Variants in MTR observed in about 807,000 individuals in gnomAD.
The protein encoded by MTR is methionine synthase.
In MTR, 84 loss-of-function variants were observed where a neutral mutation model predicts 154.8. The ratio of observed to expected loss-of-function variants is 0.54; its 90% confidence interval spans 0.45 to 0.65. MTR has a LOEUF of 0.65. Ranked by LOEUF, MTR falls within the 30% of genes least tolerant of loss-of-function variation. MTR has a pLI of 0.00. For missense variants in MTR, 1,275 were observed against 1,570.2 expected, an observed-to-expected ratio of 0.81 and a Z score of 3.18; for synonymous variants, 554 against 553.9, an observed-to-expected ratio of 1.00 and a Z score of 0.00.
At chr1:236,809,225 G>A (rs1279994684) in intron 4 of MTR, among the ~76,000 whole-genome samples, 1 of 152,146 alleles carries the variant, frequency 6.6e-6, no homozygotes, top group African/African-American at 2.4e-5. Flanking sequence ...TGCCTTTCAA[G>A]CATTTTCCCT....
At chr1:236,842,018 A>G (rs1174967683) in intron 15 of MTR, among the ~76,000 whole-genome samples, 1 of 151,630 alleles carries the variant, frequency 6.6e-6, no homozygotes, top group Non-Finnish European at 1.5e-5. Flanking sequence ...CAGCCTCCCG[A>G]GTAGCTGGGA....
chr1:236,807,886 C>T (rs1232305271), intron 3 of MTR, among the ~76,000 whole-genome samples: 3 of 152,200 alleles, frequency 2.0e-5, no homozygotes, highest in Admixed American at 1.3e-4. Context: ...CAGCTATAGA[C>T]ATTATATAAA....
chr1:236,825,394 C>G lies in MTR; in HGVS notation c.922C>G (p.Leu308Val). ...AACGCCTTCTATGATGGCCAAGCAC[C>G]TAAAGGTCAGGGGTCCCCCTTTCAC... Reference protein sequence around the residue: ...DETPSMMAKHLKDFAMDGLVN... With the variant: ...DETPSMMAKHVKDFAMDGLVN... Residue 308 changes from leucine (L) to valine (V), a missense_variant, in exon 10 of 33, where the codon CTA becomes GTA. Physicochemically the swap from Leu to Val is conservative, Grantham distance 32. Coordinates refer to ENST00000366577, the MANE Select transcript of MTR (RefSeq NM_000254.3). 6.2e-7 allele frequency: 1 copy of G among 1,612,954 alleles called. No homozygotes were observed. The highest frequency in any genetic ancestry group is 1.1e-5 in the South Asian group (1 of 91,048).
At position 236,880,979 on chromosome 1, in the gene MTR, T is replaced by C. The variant is rs544710559; in HGVS notation, c.2676+143T>C. The C allele has an allele frequency of 1.3e-4, 111 of 823,414 alleles. No individual in the cohort carries two copies. In the African/African-American group the frequency reaches 1.5e-3, roughly 11 times the overall value. 51.0% of individuals were successfully genotyped at this position (823,414 alleles called of 1,614,324 possible). ...CAGCCTGAGGCTCATGGTGTGCCTC[T>C]GCAGTGACTGCCTTGCTGGAAGGAG... On this transcript the variant is annotated intron_variant, in intron 25 of 32. Coordinates refer to ENST00000366577, the MANE Select transcript of MTR (RefSeq NM_000254.3).
intron 15 of MTR, among the ~76,000 whole-genome samples, chr1:236,845,556 A>C (rs1450779078): frequency 2.0e-5 from 3 of 152,228 alleles, no homozygotes. Flanking sequence ...AAATTATTCC[A>C]ACAAAAGAAT....
intron 8 of MTR, 43 bp from the exon 9 acceptor site, chr1:236,824,072 TATGA>T: frequency 6.8e-7 from 1 of 1,467,394 alleles, no homozygotes. Flanking sequence ...TATGCATAAA[TATGA>T]ATGAGAGATG....
intron 26 of MTR, among the ~76,000 whole-genome samples, chr1:236,885,481 T>C (rs1483793668): frequency 2.0e-5 from 3 of 152,140 alleles, no homozygotes; most frequent in Admixed American, 6.5e-5. Flanking sequence ...GTGCTAGATA[T>C]CAGAACTATG....
intron 3 of MTR, 122 bp from the exon 4 acceptor site, chr1:236,808,582 C>T: frequency 1.0e-6 from 1 of 969,074 alleles, no homozygotes; most frequent in South Asian, 1.4e-5. Context: ...TCACTCAGAC[C>T]TCAGATTAAT....
At chr1:236,827,645 T>C (rs1284733282) in intron 11 of MTR, among the ~76,000 whole-genome samples, 3 of 152,166 alleles carry the variant, frequency 2.0e-5, no homozygotes, top group Non-Finnish European at 4.4e-5. Flanking sequence ...TATCTTGAGG[T>C]CAGGAGAAGT....
At chr1:236,834,092 G>C (rs1053544764) in intron 13 of MTR, among the ~76,000 whole-genome samples, 8 of 152,148 alleles carry the variant, frequency 5.3e-5, no homozygotes, top group Admixed American at 5.2e-4. Flanking sequence ...TCAAGAACCA[G>C]GATTGTGATT....
rs1170951104 is a variant in MTR at position 236,795,770 on chromosome 1, T to C, written c.34+33T>C. ...TGCGACCCCGTCTGCGTGGTTGGGTTGTGTTTCTTAACTCGTGCTGTGGCC... is the reference window on the plus strand; with the variant it reads ...TGCGACCCCGTCTGCGTGGTTGGGTCGTGTTTCTTAACTCGTGCTGTGGCC... On this transcript the variant is annotated intron_variant, in intron 1 of 32. Transcript: ENST00000366577. 3 of 1,613,980 alleles carry C rather than the reference T, an allele frequency of 1.9e-6. No homozygotes were observed. The South Asian group carries it at 3.3e-5, about 18-fold the overall frequency.
chr1:236,795,876 C>T lies in MTR; in HGVS notation c.34+139C>T, dbSNP rs111492584. On this transcript the variant is annotated intron_variant, in intron 1 of 32. Transcript: ENST00000366577. The stretch of plus-strand genomic sequence containing the variant: ...CCGCGTGTGGGCGGCACCTTTAGAA[C>T]TTAGCGCAGGAGCCCGGAGGGCTAC... The T allele has an allele frequency of 1.6e-3, 2,137 of 1,352,532 alleles. 30 individuals are homozygous for T. The African/African-American group carries it at 0.027, about 17-fold the overall frequency. 83.8% of individuals were successfully genotyped at this position (1,352,532 alleles called of 1,614,324 possible). A position where few individuals can be genotyped will look rare whatever the true frequency, so the allele number is the denominator to read the frequency against.
intron 15 of MTR, among the ~76,000 whole-genome samples, chr1:236,844,891 T>C (rs1663481494): frequency 6.6e-6 from 1 of 152,204 alleles, no homozygotes; most frequent in Non-Finnish European, 1.5e-5. Context: ...AGGCAGTCAC[T>C]GCTGGAGCTT....
intron 16 of MTR, among the ~76,000 whole-genome samples, chr1:236,850,985 A>C (rs1297899024): frequency 1.3e-5 from 2 of 152,152 alleles, no homozygotes; most frequent in Non-Finnish European, 2.9e-5. Context: ...CAATTTTATA[A>C]AGTAGCTATT....
intron 22 of MTR, among the ~76,000 whole-genome samples, chr1:236,864,252 C>T (rs1664709095): frequency 6.6e-6 from 1 of 152,178 alleles, no homozygotes; most frequent in Admixed American, 6.5e-5. Flanking sequence ...CCTTTTGAGT[C>T]ATAGACTTCT....
At chr1:236,856,502 G>C (rs1295127761) in intron 18 of MTR, among the ~76,000 whole-genome samples, 3 of 145,810 alleles carry the variant, frequency 2.1e-5, no homozygotes, top group Non-Finnish European at 4.5e-5. Context: ...CTTTCTTCTT[G>C]TTCTTCTTCT....
At chr1:236,829,379 G>A in intron 12 of MTR, 111 bp downstream of exon 12, 1 of 903,476 alleles carries the variant, frequency 1.1e-6, no homozygotes, top group African/African-American at 1.6e-5. Context: ...GGTCGAAGAA[G>A]AATCCATATA....
At position 236,903,753 on chromosome 1, in the gene MTR, C is replaced by A. The variant is rs1056885020; in HGVS notation, c.*6109C>A. 13 of 152,168 alleles carry A rather than the reference C, an allele frequency of 8.5e-5. No homozygotes were observed. The highest frequency in any genetic ancestry group is 2.9e-4 in the African/African-American group (12 of 41,452). The allele number at this position is 152,168 out of a possible 1,614,324, so 9.4% of individuals were successfully genotyped here. A position where few individuals can be genotyped will look rare whatever the true frequency, so the allele number is the denominator to read the frequency against. On this transcript the variant is annotated 3_prime_UTR_variant, in exon 33 of 33. Coordinates refer to ENST00000366577, the MANE Select transcript of MTR (RefSeq NM_000254.3). Reference sequence around the variant, plus strand: ...GTGAGGAAGGAACTCTGAACTCTCACAATCTTGTTTCTTCATTTCCCAGAG... The same window carrying A: ...GTGAGGAAGGAACTCTGAACTCTCAAAATCTTGTTTCTTCATTTCCCAGAG...
At chr1:236,891,463 A>G in intron 29 of MTR, 134 bp downstream of exon 29, 2 of 969,626 alleles carry the variant, frequency 2.1e-6, no homozygotes, top group Non-Finnish European at 3.2e-6. Context: ...AGAAGTGACC[A>G]GTCACACGCC....
Sources: gnomAD v4.1 joint callset for allele counts (sites outside exome capture counted in the v4.1 genomes callset) on GRCh38, gnomAD v4.1.1 for gene constraint, MANE v1.5 for transcripts, NCBI Gene and HGNC (gene_info 2026-07-23, HGNC 2026-07-21) for gene names.